SLC15A5: variants seen among roughly 807,000 people sequenced by gnomAD.
SLC15A5 encodes the protein solute carrier family 15 member 5, also known as Peptide/histidine transporter ENSP00000340402.
Under a neutral mutation model 56.1 loss-of-function variants are expected in SLC15A5, and 58 were observed. That is an observed-to-expected ratio of 1.03 (90% CI 0.84 to 1.29). The LOEUF (loss-of-function observed/expected upper bound fraction) is 1.29, where lower values mean the gene tolerates loss of function less well. SLC15A5 is among the 50% of genes most tolerant of loss of function. The pLI, the probability that SLC15A5 is intolerant of heterozygous loss-of-function variation, is 0.00. For missense variants in SLC15A5, 681 were observed against 672.1 expected (o/e 1.01, Z -0.15); for synonymous variants, 264 against 250.5 (o/e 1.05, Z -0.51).
At chr12:16,215,222 A>AC (rs1275011706) in intron 7 of SLC15A5, among the ~76,000 whole-genome samples, 3 of 144,828 alleles carry the variant, frequency 2.1e-5, no homozygotes, top group South Asian at 2.3e-4. Flanking sequence ...AAAAAAAAAA[A>AC]AAAAAAACCA....
chr12:16,256,818 C>A (rs1028917236), intron 3 of SLC15A5, among the ~76,000 whole-genome samples: 1 of 150,364 alleles, frequency 6.7e-6, no homozygotes. Flanking sequence ...GACATCGCAC[C>A]ACTGCACGCC....
rs78745684 is a variant in SLC15A5, at chr12:16,217,059, T to A, written c.1352-35A>T. On this transcript the variant is annotated intron_variant, in intron 6 of 8. Transcript: ENST00000344941. The stretch of plus-strand genomic sequence containing the variant: ...AAAGAGAGGTCAGAATTTAGAACTT[T>A]CTCCTGAAAATGCTTTCATAGAGAC... 5,340 of 1,511,840 alleles carry A rather than the reference T, an allele frequency of 3.5e-3. 12 individuals are homozygous for A. Among genetic ancestry groups the A allele is most frequent in the Middle Eastern group, 4.5e-3 (26 of 5,760 alleles). 93.7% of individuals were successfully genotyped at this position (1,511,840 alleles called of 1,614,324 possible).
chr12:16,229,635 A>AACACACACACAC (rs1163652551), intron 5 of SLC15A5, among the ~76,000 whole-genome samples: 1 of 99,114 alleles, frequency 1.0e-5, no homozygotes, highest in African/African-American at 4.1e-5. Context: ...CAAAGTAAGC[A>AACACACACACAC]ACACACACAC....
chr12:16,244,673 G>A lies in SLC15A5; in HGVS notation c.882C>T (p.Cys294=), dbSNP rs1211740753. ...TGTCTTCTACATGGAGCTCACTGTA[G>A]CAGCCACCATTTTTTTCTTTGGCAT... The part of the protein sequence containing the change: ...LDHAKEKNGG[C]YSELHVEDTT... Residue 294 remains cysteine, a synonymous_variant, in exon 4 of 9, where the codon TGC becomes TGT. Transcript: ENST00000344941. The A allele has an allele frequency of 6.5e-7, 1 of 1,537,480 alleles. No individual in the cohort carries two copies. The highest frequency in any genetic ancestry group is 8.7e-7 in the Non-Finnish European group (1 of 1,146,988).
At chr12:16,251,646 C>T (rs1864520067) in intron 3 of SLC15A5, among the ~76,000 whole-genome samples, 1 of 151,708 alleles carries the variant, frequency 6.6e-6, no homozygotes, top group Admixed American at 6.6e-5. Context: ...CTGAAAAGAC[C>T]TAAAACTAGT....
At chr12:16,199,771 G>T (rs1863934296) in intron 7 of SLC15A5, among the ~76,000 whole-genome samples, 2 of 152,028 alleles carry the variant, frequency 1.3e-5, no homozygotes, top group African/African-American at 4.8e-5. Flanking sequence ...AAGAAGTAAT[G>T]GGAATAAGAC....
chr12:16,254,468 A>C (rs1461455515), intron 3 of SLC15A5, among the ~76,000 whole-genome samples: 1 of 152,138 alleles, frequency 6.6e-6, no homozygotes, highest in Non-Finnish European at 1.5e-5. Context: ...AAGATGGTTT[A>C]TTTCCCTTAA....
At chr12:16,259,655 C>T (rs867749409) in intron 2 of SLC15A5, among the ~76,000 whole-genome samples, 2 of 152,184 alleles carry the variant, frequency 1.3e-5, no homozygotes, top group African/African-American at 4.8e-5. Flanking sequence ...TATAATTTTG[C>T]ATTTTTCTCA....
chr12:16,272,990 G>A (rs771128533), intron 1 of SLC15A5, among the ~76,000 whole-genome samples: 1 of 151,642 alleles, frequency 6.6e-6, no homozygotes, highest in African/African-American at 2.4e-5. Context: ...CTAATCCGGA[G>A]TTTTAGGTTT....
chr12:16,193,780 G>GGAGCGAGAGAGACA (rs763515940), intron 8 of SLC15A5, among the ~76,000 whole-genome samples: 1 of 75,692 alleles, frequency 1.3e-5, no homozygotes, highest in African/African-American at 5.1e-5. Flanking sequence ...TATGTCAAGG[G>GGAGCGAGAGAGACA]GAGAGAGAGA....
intron 2 of SLC15A5, among the ~76,000 whole-genome samples, chr12:16,265,065 G>A (rs548162073): frequency 6.6e-6 from 1 of 152,262 alleles, no homozygotes; most frequent in African/African-American, 2.4e-5. Flanking sequence ...AGTGCATTGG[G>A]AAGTCATTTG....
In SLC15A5 at chr12:16,217,999, CAT is replaced by C. The variant is rs1864146623; in HGVS notation, c.1352-977_1352-976del. Among the ~76,000 whole-genome samples, 3 of 152,166 alleles carry C rather than the reference CAT, an allele frequency of 2.0e-5. No homozygotes were observed. In the South Asian group the frequency reaches 6.2e-4, roughly 32 times the overall value. ...TGAGATTTTGTACGTGCCATATAAA[CAT>C]AATATTTTAAAATGCATGACAATCT... On this transcript the variant is annotated intron_variant, in intron 6 of 8. Coordinates refer to ENST00000344941, the MANE Select transcript of SLC15A5 (RefSeq NM_001170798.1).
intron 7 of SLC15A5, among the ~76,000 whole-genome samples, chr12:16,205,942 AT>A (rs1051090744): frequency 2.0e-5 from 3 of 152,258 alleles, no homozygotes; most frequent in Admixed American, 2.0e-4. Context: ...ACTTCACTAA[AT>A]TTTTTTAAGT....
intron 2 of SLC15A5, among the ~76,000 whole-genome samples, chr12:16,265,209 G>C (rs966932108): frequency 6.6e-6 from 1 of 152,134 alleles, no homozygotes; most frequent in Non-Finnish European, 1.5e-5. Flanking sequence ...GAAAATCACA[G>C]CTATTGTAAG....
chr12:16,239,975 C>T (rs1201267433), intron 4 of SLC15A5, 108 bp from the exon 5 acceptor site: 17 of 998,754 alleles, frequency 1.7e-5, no homozygotes, highest in Non-Finnish European at 2.1e-5. Flanking sequence ...GATGGATGAG[C>T]TGGATGTTGC....
At chr12:16,230,657 T>C (rs1864287046) in intron 5 of SLC15A5, among the ~76,000 whole-genome samples, 1 of 151,666 alleles carries the variant, frequency 6.6e-6, no homozygotes, top group South Asian at 2.1e-4. Flanking sequence ...CTCACGCCTG[T>C]AATCCCAGCA....
intron 3 of SLC15A5, among the ~76,000 whole-genome samples, chr12:16,248,897 A>G (rs1864490946): frequency 6.6e-6 from 1 of 152,148 alleles, no homozygotes. Context: ...CAAACACACC[A>G]GGCGTGCACA....
chr12:16,272,909 G>T, intron 1 of SLC15A5, 126 bp from the exon 2 acceptor site: 1 of 836,686 alleles, frequency 1.2e-6, no homozygotes, highest in Non-Finnish European at 1.8e-6. Flanking sequence ...AACATTTATG[G>T]TAGTCATTGC....
At chr12:16,222,284 G>T (rs1193713936) in intron 6 of SLC15A5, among the ~76,000 whole-genome samples, 1 of 152,034 alleles carries the variant, frequency 6.6e-6, no homozygotes, top group Non-Finnish European at 1.5e-5. Context: ...GACAGAACTG[G>T]GTTTGAATTC....
Sources: gnomAD v4.1 joint callset for allele counts (sites outside exome capture counted in the v4.1 genomes callset) on GRCh38, gnomAD v4.1.1 for gene constraint, MANE v1.5 for transcripts, NCBI Gene and HGNC (gene_info 2026-07-23, HGNC 2026-07-21) for gene names.